Variants in ZNF461 observed in about 807,000 individuals in gnomAD.
ZNF461 encodes gonadotropin-inducible ovarian transcription factor-1.
Under a neutral mutation model 18.3 loss-of-function variants are expected in ZNF461, and 16 were observed. That is an observed-to-expected ratio of 0.88 (90% CI 0.59 to 1.33). The LOEUF (loss-of-function observed/expected upper bound fraction) is 1.33, where lower values mean the gene tolerates loss of function less well. ZNF461 is among the 40% of genes most tolerant of loss of function. The pLI is 0.00. For missense variants in ZNF461, 595 were observed against 669.9 expected, an observed-to-expected ratio of 0.89 and a Z score of 1.23; for synonymous variants, 179 against 216.9, an observed-to-expected ratio of 0.83 and a Z score of 1.54.
intron 4 of ZNF461, among the ~76,000 whole-genome samples, chr19:36,646,571 T>C (rs886879393): frequency 6.6e-5 from 10 of 152,224 alleles, no homozygotes; most frequent in South Asian, 2.1e-4. Context: ...TGTGTCAAAG[T>C]CTGGAAGATC....
chr19:36,643,865 A>G lies in ZNF461; in HGVS notation c.233-3T>C. On this transcript the variant is annotated splice_region_variant and splice_polypyrimidine_tract_variant and intron_variant, in intron 4 of 5. Transcript: ENST00000588268. Reference sequence around the variant, plus strand: ...AAATCCCCAAGTTTTCCATGTACCTACATGGAAACAAAAGAATAAATACTT... The same window carrying G: ...AAATCCCCAAGTTTTCCATGTACCTGCATGGAAACAAAAGAATAAATACTT... 2 of 1,509,194 alleles carry G rather than the reference A, an allele frequency of 1.3e-6. No homozygotes were observed. Among genetic ancestry groups the G allele is most frequent in the South Asian group, 2.5e-5 (2 of 78,940 alleles). 93.5% of individuals were successfully genotyped at this position (1,509,194 alleles called of 1,614,324 possible). A position where few individuals can be genotyped will look rare whatever the true frequency, so the allele number is the denominator to read the frequency against.
In ZNF461 at chr19:36,664,786, G is replaced by T; in HGVS notation, c.-80C>A. 8.7e-7 allele frequency: 1 copy of T among 1,151,790 alleles called. No homozygotes were observed. The highest frequency in any genetic ancestry group is 1.2e-6 in the Non-Finnish European group (1 of 851,508). 71.3% of individuals were successfully genotyped at this position (1,151,790 alleles called of 1,614,324 possible). On this transcript the variant is annotated splice_region_variant and 5_prime_UTR_variant, in exon 2 of 6. Transcript: ENST00000588268. ...AGAAACTCAATCCAAAGAAGGTGTT[G>T]CTGGGAGAGAGGGGAGTTAAAAAAA...
intron 4 of ZNF461, among the ~76,000 whole-genome samples, chr19:36,649,138 G>C (rs2037580808): frequency 6.6e-6 from 1 of 151,932 alleles, no homozygotes. Flanking sequence ...AAATATCCAA[G>C]GTACAACTGA....
chr19:36,651,516 T>A (rs1202881642), intron 4 of ZNF461, among the ~76,000 whole-genome samples: 1 of 151,966 alleles, frequency 6.6e-6, no homozygotes, highest in Non-Finnish European at 1.5e-5. Flanking sequence ...TTGAGTAAGA[T>A]CACAAAATAT....
At chr19:36,655,752 T>C (rs2037704763) in intron 4 of ZNF461, among the ~76,000 whole-genome samples, 1 of 152,200 alleles carries the variant, frequency 6.6e-6, no homozygotes, top group Admixed American at 6.5e-5. Context: ...CCAAATCCAA[T>C]GTCATGAAGC....
At chr19:36,647,915 C>T (rs1164368834) in intron 4 of ZNF461, among the ~76,000 whole-genome samples, 1 of 152,044 alleles carries the variant, frequency 6.6e-6, no homozygotes, top group Admixed American at 6.5e-5. Context: ...GGTGTGGTGG[C>T]TCATGCCTGT....
intron 1 of ZNF461, among the ~76,000 whole-genome samples, chr19:36,666,344 T>C (rs2037937847): frequency 6.6e-6 from 1 of 152,076 alleles, no homozygotes; most frequent in Non-Finnish European, 1.5e-5. Context: ...TCCACCCGCT[T>C]CGGGCTCCCA....
At chr19:36,640,852 C>G (rs1444174608) in intron 5 of ZNF461, among the ~76,000 whole-genome samples, 3 of 152,192 alleles carry the variant, frequency 2.0e-5, no homozygotes, top group Admixed American at 2.0e-4. Context: ...TGTTCTGGGT[C>G]TCTGTCACAA....
In ZNF461 at chr19:36,639,356, T is replaced by C; in HGVS notation, c.989A>G (p.Glu330Gly). 6.2e-7 allele frequency: 1 copy of C among 1,614,062 alleles called. No individual in the cohort carries two copies. Among genetic ancestry groups the C allele is most frequent in the Non-Finnish European group, 8.5e-7 (1 of 1,180,008 alleles). The change falls in exon 6 of 6, where the codon GAA becomes GGA. Residue 330 changes from glutamate (E) to glycine (G), a missense_variant. By Grantham distance (98) the Glu-to-Gly change is moderately conservative (BLOSUM62 -2). Coordinates refer to ENST00000588268, the MANE Select transcript of ZNF461 (RefSeq NM_153257.5). The stretch of plus-strand genomic sequence containing the variant: ...AAAAGCCTTCCCACATTGCTTACAT[T>C]CATAGGGTTTTTCACCAGTATGAAG... ...QRLHTGEKPY[E>G]CKQCGKAFIR...
chr19:36,653,843 G>C (rs2037670525), intron 4 of ZNF461, among the ~76,000 whole-genome samples: 1 of 152,196 alleles, frequency 6.6e-6, no homozygotes, highest in Non-Finnish European at 1.5e-5. Flanking sequence ...AATGGGATAA[G>C]TATAGCTAAC....
At chr19:36,648,142 G>C (rs1367480297) in intron 4 of ZNF461, among the ~76,000 whole-genome samples, 1 of 151,906 alleles carries the variant, frequency 6.6e-6, no homozygotes, top group Non-Finnish European at 1.5e-5. Flanking sequence ...TTGCACCATT[G>C]CTTTCCAGCC....
chr19:36,636,906 AG>A lies in ZNF461; in HGVS notation c.*1746del. On this transcript the variant is annotated 3_prime_UTR_variant, in exon 6 of 6. Transcript: ENST00000588268. ...ATCTGGCCACATTCCAATGCTTCAAAGGAGTGTCTTTCTCCTTGAGCACAGT... is the reference window on the plus strand; with the variant it reads ...ATCTGGCCACATTCCAATGCTTCAAAGAGTGTCTTTCTCCTTGAGCACAGT... 6.6e-6 allele frequency among the ~76,000 whole-genome samples: 1 copy of A among 152,328 alleles called. No homozygotes were observed. Among genetic ancestry groups the A allele is most frequent in the East Asian group, 1.9e-4 (1 of 5,188 alleles).
intron 4 of ZNF461, among the ~76,000 whole-genome samples, chr19:36,648,303 C>G (rs920296432): frequency 3.3e-5 from 5 of 152,168 alleles, no homozygotes; most frequent in Non-Finnish European, 5.9e-5. Flanking sequence ...CTCCCTGAGG[C>G]CTTCCTGGAA....
chr19:36,654,478 C>T (rs1600435256), intron 4 of ZNF461, among the ~76,000 whole-genome samples: 2 of 152,094 alleles, frequency 1.3e-5, no homozygotes, highest in East Asian at 3.9e-4. Flanking sequence ...GCAATACTCC[C>T]AACTCAGCCC....
chr19:36,643,311 T>C (rs930482377), intron 5 of ZNF461: 1 of 152,246 alleles, frequency 6.6e-6, no homozygotes, highest in Non-Finnish European at 1.5e-5. Context: ...TCTTACACTA[T>C]GCAGTGGTTT....
In ZNF461 at chr19:36,637,816, G is replaced by A. The variant is rs1467137795; in HGVS notation, c.*837C>T. On this transcript the variant is annotated 3_prime_UTR_variant, in exon 6 of 6. Transcript: ENST00000588268. ...ATGAAATATTCCCGTTAGAATAAAA[G>A]GAAACTGATAGCAGTTGTTGCATCT... 1 of 432,638 alleles carries A rather than the reference G, an allele frequency of 2.3e-6. No individual in the cohort carries two copies. The highest frequency in any genetic ancestry group is 2.6e-5 in the Admixed American group (1 of 39,038). The allele number at this position is 432,638 out of a possible 1,614,324, so 26.8% of individuals were successfully genotyped here.
intron 2 of ZNF461, among the ~76,000 whole-genome samples, chr19:36,661,049 C>T (rs1479808866): frequency 6.6e-6 from 1 of 151,978 alleles, no homozygotes; most frequent in East Asian, 1.9e-4. Context: ...TGCAGGGAGG[C>T]AGGATTGCTT....
intron 2 of ZNF461, among the ~76,000 whole-genome samples, chr19:36,661,627 AAATT>A (rs1409251667): frequency 6.6e-6 from 1 of 151,938 alleles, no homozygotes; most frequent in Non-Finnish European, 1.5e-5. Flanking sequence ...TAAAACTTAA[AAATT>A]AATTAAAAAT....
At chr19:36,645,855 G>A (rs2037517090) in intron 4 of ZNF461, among the ~76,000 whole-genome samples, 2 of 152,136 alleles carry the variant, frequency 1.3e-5, no homozygotes, top group African/African-American at 4.8e-5. Context: ...AGCGAACTCA[G>A]CTAACTGCAA....
Sources: gnomAD v4.1 joint callset for allele counts (sites outside exome capture counted in the v4.1 genomes callset) on GRCh38, gnomAD v4.1.1 for gene constraint, MANE v1.5 for transcripts, NCBI Gene and HGNC (gene_info 2026-07-23, HGNC 2026-07-21) for gene names.